Variants in NEGR1 observed in about 807,000 individuals in gnomAD.
The protein encoded by NEGR1 is IgLON family member 4.
A neutral mutation model predicts 40.9 loss-of-function variants in NEGR1; 10 were observed. That is an observed-to-expected ratio of 0.24 (90% CI 0.15 to 0.42). NEGR1 has a LOEUF of 0.42. NEGR1 is among the 10% of genes least tolerant of loss of function. The pLI, the probability that NEGR1 is intolerant of heterozygous loss-of-function variation, is 1.00. For synonymous variants in NEGR1, 185 were observed against 166.8 expected, an observed-to-expected ratio of 1.11 and a Z score of -0.84; for missense variants, 352 against 438.9, an observed-to-expected ratio of 0.80 and a Z score of 1.77.
intron 1 of NEGR1, among the ~76,000 whole-genome samples, chr1:72,096,091 C>T (rs977307374): frequency 1.3e-5 from 2 of 151,994 alleles, no homozygotes; most frequent in Non-Finnish European, 2.9e-5. Context: ...TCTGTGGACA[C>T]ATTTTTTTAT....
chr1:72,086,023 G>C (rs1648206916), intron 1 of NEGR1, among the ~76,000 whole-genome samples: 1 of 144,910 alleles, frequency 6.9e-6, no homozygotes, highest in African/African-American at 2.6e-5. Context: ...CTCTGATCAA[G>C]AGCCTACACC....
intron 6 of NEGR1, among the ~76,000 whole-genome samples, chr1:71,464,075 C>T (rs1646730156): frequency 6.6e-6 from 1 of 152,080 alleles, no homozygotes; most frequent in South Asian, 2.1e-4. Flanking sequence ...TTAGTGACAT[C>T]TGCAAAGGCT....
intron 2 of NEGR1, among the ~76,000 whole-genome samples, chr1:71,845,022 A>C (rs189451112): frequency 2.2e-4 from 33 of 152,304 alleles, no homozygotes; most frequent in Non-Finnish European, 3.5e-4. Context: ...AGTTAATCTG[A>C]GGTCAAGGCA....
Position 71,520,965 on chromosome 1 carries a change from C to A in NEGR1, c.940+71852G>T, listed in dbSNP as rs1186174490. 3.9e-5 allele frequency among the ~76,000 whole-genome samples: 6 copies of A among 152,092 alleles called. No homozygotes were observed. The East Asian group carries it at 5.8e-4, about 15-fold the overall frequency. Reference sequence around the variant, plus strand: ...GATTAGATTAACCCACTGAAAATTTCTGTGTTTGCATGAGATCCATGATTT... The same window carrying A: ...GATTAGATTAACCCACTGAAAATTTATGTGTTTGCATGAGATCCATGATTT... On this transcript the variant is annotated intron_variant, in intron 6 of 6. Coordinates refer to ENST00000357731, the MANE Select transcript of NEGR1 (RefSeq NM_173808.3).
At chr1:71,449,200 T>G (rs1208144454) in intron 6 of NEGR1, among the ~76,000 whole-genome samples, 1 of 152,162 alleles carries the variant, frequency 6.6e-6, no homozygotes, top group East Asian at 1.9e-4. Context: ...GGTATAAGAG[T>G]TAGTGCAAAA....
chr1:71,506,346 T>C (rs1205034912), intron 6 of NEGR1, among the ~76,000 whole-genome samples: 1 of 151,936 alleles, frequency 6.6e-6, no homozygotes, highest in Non-Finnish European at 1.5e-5. Context: ...TCACTCAAAC[T>C]TGGGGAGGGA....
intron 4 of NEGR1, among the ~76,000 whole-genome samples, chr1:71,649,422 A>G (rs1489137639): frequency 6.6e-6 from 1 of 152,104 alleles, no homozygotes; most frequent in African/African-American, 2.4e-5. Context: ...GCATTATTAT[A>G]TAACTAAATT....
intron 1 of NEGR1, among the ~76,000 whole-genome samples, chr1:72,005,318 C>T (rs919497594): frequency 7.9e-5 from 12 of 152,150 alleles, no homozygotes; most frequent in African/African-American, 2.2e-4. Flanking sequence ...AATAGTTTAA[C>T]GCCACGCTAT....
intron 1 of NEGR1, among the ~76,000 whole-genome samples, chr1:71,994,676 G>A (rs1255450009): frequency 2.0e-5 from 3 of 152,016 alleles, no homozygotes; most frequent in African/African-American, 7.2e-5. Flanking sequence ...TTTTCCGCAT[G>A]GTTTTGTCTA....
chr1:72,096,687 A>G (rs886401423), intron 1 of NEGR1, among the ~76,000 whole-genome samples: 1 of 150,506 alleles, frequency 6.6e-6, no homozygotes, highest in Non-Finnish European at 1.5e-5. Context: ...TTTGAGATGG[A>G]GTCTCACACT....
chr1:72,024,293 T>C (rs553470148), intron 1 of NEGR1, among the ~76,000 whole-genome samples: 1 of 152,178 alleles, frequency 6.6e-6, no homozygotes, highest in Admixed American at 6.5e-5. Context: ...CTATAATATA[T>C]ATGTTTTCAT....
intron 2 of NEGR1, among the ~76,000 whole-genome samples, chr1:71,793,880 G>A (rs538000127): frequency 6.6e-6 from 1 of 152,092 alleles, no homozygotes; most frequent in South Asian, 2.1e-4. Flanking sequence ...TTGCAATCTA[G>A]GGATAGTTTC....
chr1:71,752,621 T>G (rs1655606988), intron 3 of NEGR1, among the ~76,000 whole-genome samples: 2 of 152,154 alleles, frequency 1.3e-5, no homozygotes, highest in Admixed American at 1.3e-4. Context: ...TGGCAAAATT[T>G]TGTTTAATAT....
chr1:72,235,406 G>A (rs796898595), intron 1 of NEGR1, among the ~76,000 whole-genome samples: 2 of 152,080 alleles, frequency 1.3e-5, no homozygotes, highest in African/African-American at 4.8e-5. Flanking sequence ...TTTTCGAATG[G>A]GGAAAAGGGC....
intron 1 of NEGR1, among the ~76,000 whole-genome samples, chr1:72,264,796 T>G (rs1457747732): frequency 6.6e-6 from 1 of 150,918 alleles, no homozygotes; most frequent in African/African-American, 2.4e-5. Context: ...ATAATCATCA[T>G]TTAAAATGAT....
intron 1 of NEGR1, among the ~76,000 whole-genome samples, chr1:71,948,778 G>A (rs1367094954): frequency 6.6e-6 from 1 of 151,916 alleles, no homozygotes; most frequent in Non-Finnish European, 1.5e-5. Flanking sequence ...AGAAATGCGA[G>A]TACCTCTAAG....
At chr1:72,160,437 A>G (rs940278532) in intron 1 of NEGR1, among the ~76,000 whole-genome samples, 1 of 152,156 alleles carries the variant, frequency 6.6e-6, no homozygotes, top group African/African-American at 2.4e-5. Flanking sequence ...TACAACTTTA[A>G]AAGGATATTA....
At chr1:71,693,362 C>G (rs1653359277) in intron 4 of NEGR1, among the ~76,000 whole-genome samples, 1 of 151,602 alleles carries the variant, frequency 6.6e-6, no homozygotes, top group African/African-American at 2.4e-5. Flanking sequence ...GGACTCTAAA[C>G]TGTTTAACCC....
intron 6 of NEGR1, among the ~76,000 whole-genome samples, chr1:71,428,323 CTG>C (rs1232604014): frequency 2.6e-5 from 4 of 152,252 alleles, no homozygotes; most frequent in Non-Finnish European, 4.4e-5. Context: ...TAAAGGCAGT[CTG>C]TGTTAAGTCT....
Sources: allele counts gnomAD v4.1 joint callset (sites outside exome capture counted in the v4.1 genomes callset), GRCh38; gene constraint gnomAD v4.1.1; transcripts MANE v1.5; gene names NCBI Gene and HGNC (gene_info 2026-07-23, HGNC 2026-07-21).